Variants in PCDHA1 observed in about 807,000 individuals in gnomAD.
PCDHA1 encodes protocadherin alpha-1.
In PCDHA1, 42 loss-of-function variants were observed where a neutral mutation model predicts 61.3. The observed-to-expected ratio is 0.69, with a 90% confidence interval of 0.54 to 0.89. PCDHA1 has a LOEUF of 0.89. Ranked by LOEUF, PCDHA1 falls within the 40% of genes least tolerant of loss-of-function variation. PCDHA1 has a pLI of 0.00. For synonymous variants in PCDHA1, 610 were observed against 553.8 expected (o/e 1.10, Z -1.43); for missense variants, 1,256 against 1,235.3 (o/e 1.02, Z -0.25).
Position 140,918,963 on chromosome 5 carries a change from A to C in PCDHA1, c.2395-59986A>C, listed in dbSNP as rs74470631. ...TAATATCCTGAACAGACTAAGACAGATATCGTTTAGGTTAGTTGGTTTTTA... is the reference window on the plus strand; with the variant it reads ...TAATATCCTGAACAGACTAAGACAGCTATCGTTTAGGTTAGTTGGTTTTTA... On this transcript the variant is annotated intron_variant, in intron 1 of 3. Transcript: ENST00000504120. Among the ~76,000 whole-genome samples the C allele has an allele frequency of 4.6e-3, 702 of 152,330 alleles. 2 individuals are homozygous for C. Among genetic ancestry groups the C allele is most frequent in the African/African-American group, 0.016 (679 of 41,576 alleles).
chr5:140,961,571 A>AT (rs2095622432), intron 1 of PCDHA1, among the ~76,000 whole-genome samples: 1 of 152,076 alleles, frequency 6.6e-6, no homozygotes. Flanking sequence ...TTTTGTTTTG[A>AT]TAAGCATTTA....
chr5:140,810,525 G>C (rs1764675937), intron 1 of PCDHA1: 1 of 151,988 alleles, frequency 6.6e-6, no homozygotes, highest in Non-Finnish European at 1.5e-5. Context: ...CATTTTACTG[G>C]GTGACTTTTG....
At chr5:140,801,682 T>G (rs563939423) in intron 1 of PCDHA1, 2 of 1,614,094 alleles carry the variant, frequency 1.2e-6, no homozygotes, top group Admixed American at 1.7e-5. Context: ...GATGCAGATA[T>G]CGGAACAAAT....
intron 1 of PCDHA1, among the ~76,000 whole-genome samples, chr5:140,941,916 A>G (rs191775899): frequency 2.8e-3 from 421 of 152,316 alleles, no homozygotes; most frequent in Middle Eastern, 6.8e-3. Flanking sequence ...GCTTTTATGT[A>G]TATCTTAAAA....
At chr5:140,830,038 G>A (rs2150180087) in intron 1 of PCDHA1, 1 of 1,613,882 alleles carries the variant, frequency 6.2e-7, no homozygotes, top group Admixed American at 1.7e-5. Flanking sequence ...GGCTGCTGGT[G>A]CTGGTGAAAG....
At chr5:140,823,007 C>T in intron 1 of PCDHA1, 2 of 1,614,244 alleles carry the variant, frequency 1.2e-6, no homozygotes, top group Non-Finnish European at 1.7e-6. Flanking sequence ...CTGGACAGCG[C>T]CCTGGACCGC....
intron 1 of PCDHA1, among the ~76,000 whole-genome samples, chr5:140,973,052 G>C (rs114678656): frequency 0.013 from 2,011 of 152,210 alleles, 55 homozygotes; most frequent in African/African-American, 0.046. Flanking sequence ...TAGTAGATTT[G>C]TCCAACAGTG....
chr5:140,898,338 C>G (rs2066670384), intron 1 of PCDHA1, among the ~76,000 whole-genome samples: 2 of 152,188 alleles, frequency 1.3e-5, no homozygotes, highest in African/African-American at 2.4e-5. Flanking sequence ...ACGTTTAAGT[C>G]TTTAATCCAT....
At chr5:140,928,076 A>G (rs2084914697) in intron 1 of PCDHA1, 1 of 1,614,142 alleles carries the variant, frequency 6.2e-7, no homozygotes. Context: ...GACAACTACT[A>G]CAGCCTGCTG....
chr5:140,869,456 AT>A (rs1175063244), intron 1 of PCDHA1: 1 of 1,614,072 alleles, frequency 6.2e-7, no homozygotes, highest in East Asian at 2.2e-5. Flanking sequence ...CAGGTTTTCC[AT>A]GTGAACGTGG....
chr5:140,883,844 G>A (rs1404353270), intron 1 of PCDHA1: 4 of 1,612,836 alleles, frequency 2.5e-6, no homozygotes, highest in East Asian at 2.2e-5. Context: ...GTTGGACCAC[G>A]AGGAGCTGGA....
At chr5:140,950,083 T>C (rs1361884165) in intron 1 of PCDHA1, among the ~76,000 whole-genome samples, 1 of 152,002 alleles carries the variant, frequency 6.6e-6, no homozygotes, top group Non-Finnish European at 1.5e-5. Context: ...GCTTATGCTA[T>C]AGTTTTCATT....
intron 1 of PCDHA1, among the ~76,000 whole-genome samples, chr5:140,902,203 C>CTTTTTTT (rs148688132): frequency 6.4e-5 from 8 of 124,436 alleles, no homozygotes; most frequent in African/African-American, 9.3e-5. Flanking sequence ...CTCTCTCTTT[C>CTTTTTTT]TTTTTTTTTT....
At chr5:140,980,849 C>A (rs2096908252) in intron 2 of PCDHA1, among the ~76,000 whole-genome samples, 1 of 152,068 alleles carries the variant, frequency 6.6e-6, no homozygotes, top group Admixed American at 6.6e-5. Context: ...TAATACTAAT[C>A]TTTTTCGTAT....
At chr5:140,926,785 G>A in intron 1 of PCDHA1, 1 of 1,417,966 alleles carries the variant, frequency 7.1e-7, no homozygotes. Context: ...GTGACGGCCG[G>A]CAGGAGCGTG....
chr5:140,975,139 C>G (rs2096655397), intron 1 of PCDHA1, among the ~76,000 whole-genome samples: 1 of 152,154 alleles, frequency 6.6e-6, no homozygotes, highest in Non-Finnish European at 1.5e-5. Flanking sequence ...GGCCTGGGGT[C>G]ACTCTCAGTT....
At position 140,982,388 on chromosome 5, in the gene PCDHA1, A is replaced by G. The variant is rs868944535; in HGVS notation, c.2454-87A>G. 32 of 1,592,320 alleles carry G rather than the reference A, an allele frequency of 2.0e-5. 1 individual carries two copies. The Middle Eastern group carries it at 4.6e-3, about 226-fold the overall frequency. Reference sequence around the variant, plus strand: ...ATGTGTTAGCTGCAGCCCTGGCTTCATAGTTGTAAGCAATTTCTGAGGGTG... The same window carrying G: ...ATGTGTTAGCTGCAGCCCTGGCTTCGTAGTTGTAAGCAATTTCTGAGGGTG... On this transcript the variant is annotated intron_variant, in intron 2 of 3. Coordinates refer to ENST00000504120, the MANE Select transcript of PCDHA1 (RefSeq NM_018900.4).
intron 3 of PCDHA1, among the ~76,000 whole-genome samples, chr5:140,988,762 C>T (rs546274253): frequency 6.6e-6 from 1 of 152,308 alleles, no homozygotes; most frequent in South Asian, 2.1e-4. Context: ...GGGCAGAATA[C>T]AGTCATGGTT....
chr5:140,848,144 G>T, intron 1 of PCDHA1: 2 of 202,506 alleles, frequency 9.9e-6, no homozygotes, highest in Non-Finnish European at 1.0e-5. Flanking sequence ...ACTTTTAGAG[G>T]CAGTCAGTCT....
Sources: allele counts gnomAD v4.1 joint callset (sites outside exome capture counted in the v4.1 genomes callset), GRCh38; gene constraint gnomAD v4.1.1; transcripts MANE v1.5; gene names NCBI Gene and HGNC (gene_info 2026-07-23, HGNC 2026-07-21).